The following ABTB3 variants were observed in gnomAD, a reference collection of about 807,000 sequenced individuals.
ABTB3 encodes ankyrin repeat and BTB domain containing 3, also known as ankyrin repeat- and BTB/POZ domain-containing protein 3.
At chr12:107,581,091 G>T in the ABTB3 span, 2 of 1,545,014 alleles carry the variant, frequency 1.3e-6, no homozygotes, top group Non-Finnish European at 1.7e-6. Flanking sequence ...GGGCCAAGCC[G>T]GCAGCCCCTG....
At chr12:107,510,098 G>A in the ABTB3 span, among the ~76,000 whole-genome samples, 26 of 152,160 alleles carry the variant, frequency 1.7e-4, no homozygotes, top group African/African-American at 5.8e-4. Flanking sequence ...GCTGGAAGCC[G>A]GTAAGGTGGG....
the ABTB3 span, among the ~76,000 whole-genome samples, chr12:107,657,034 C>T: frequency 6.7e-6 from 1 of 149,440 alleles, no homozygotes; most frequent in African/African-American, 2.4e-5. Context: ...CAGAGCGAAA[C>T]CCTGTCTCAA....
At chr12:107,472,086 A>G in the ABTB3 span, among the ~76,000 whole-genome samples, 5,405 of 151,332 alleles carry the variant, frequency 0.036, 282 homozygotes, top group African/African-American at 0.13. Flanking sequence ...GACCAAAGAG[A>G]AAACACTGAG....
the ABTB3 span, among the ~76,000 whole-genome samples, chr12:107,364,837 C>G: frequency 1.3e-5 from 2 of 152,166 alleles, no homozygotes; most frequent in Admixed American, 1.3e-4. Context: ...AAGGCTGGCG[C>G]TGCCAAAATT....
At chr12:107,497,010 C>T in the ABTB3 span, among the ~76,000 whole-genome samples, 1 of 152,280 alleles carries the variant, frequency 6.6e-6, no homozygotes, top group Non-Finnish European at 1.5e-5. Context: ...CATCTCTATT[C>T]ATTAATTCAG....
chr12:107,637,011 G>A, the ABTB3 span, among the ~76,000 whole-genome samples: 9 of 152,190 alleles, frequency 5.9e-5, no homozygotes, highest in Non-Finnish European at 1.3e-4. Context: ...GGTGGCTCAC[G>A]CCTGTAATCC....
the ABTB3 span, chr12:107,520,364 C>T: frequency 0.36 from 525,208 of 1,469,012 alleles, 96,482 homozygotes; most frequent in Admixed American, 0.52. Context: ...CCTACATTGG[C>T]TTTCTTTGCA....
chr12:107,645,832 C>T, the ABTB3 span, among the ~76,000 whole-genome samples: 1 of 152,202 alleles, frequency 6.6e-6, no homozygotes, highest in Non-Finnish European at 1.5e-5. Context: ...GGTTTCCTGG[C>T]CACATTAGAC....
At chr12:107,426,455 G>A in the ABTB3 span, among the ~76,000 whole-genome samples, 1 of 152,114 alleles carries the variant, frequency 6.6e-6, no homozygotes, top group Admixed American at 6.5e-5. Context: ...TGGCTGCTGT[G>A]GCAGGGTCAC....
chr12:107,642,052 G>T, the ABTB3 span: 1 of 1,583,532 alleles, frequency 6.3e-7, no homozygotes, highest in Non-Finnish European at 8.7e-7. Flanking sequence ...GGATTTGTGT[G>T]TGAGTCTTTT....
chr12:107,385,919 A>C, the ABTB3 span, among the ~76,000 whole-genome samples: 2 of 152,322 alleles, frequency 1.3e-5, no homozygotes, highest in East Asian at 3.9e-4. Flanking sequence ...GGCCTGGGAA[A>C]GGGAACCCTG....
chr12:107,384,281 G>A, the ABTB3 span, among the ~76,000 whole-genome samples: 1 of 152,316 alleles, frequency 6.6e-6, no homozygotes, highest in African/African-American at 2.4e-5. Flanking sequence ...TAGGAGGGGT[G>A]TGGTTGGGGT....
At chr12:107,320,062 G>A in the ABTB3 span, 26 of 1,500,272 alleles carry the variant, frequency 1.7e-5, no homozygotes, top group African/African-American at 3.7e-4. Context: ...TGATCTGCGG[G>A]AAGAACGCCA....
At chr12:107,503,065 T>G in the ABTB3 span, among the ~76,000 whole-genome samples, 4 of 152,112 alleles carry the variant, frequency 2.6e-5, no homozygotes, top group Non-Finnish European at 5.9e-5. Context: ...TAGGGTCACA[T>G]GGGGAAGCAC....
the ABTB3 span, among the ~76,000 whole-genome samples, chr12:107,633,547 C>T: frequency 2.0e-5 from 3 of 152,312 alleles, no homozygotes; most frequent in Admixed American, 2.0e-4. Context: ...CCACACAGTG[C>T]TTCTCAAGCA....
the ABTB3 span, chr12:107,319,078 GT>G: frequency 1.2e-6 from 2 of 1,611,264 alleles, no homozygotes; most frequent in African/African-American, 2.7e-5. Context: ...CGGCGTCCCC[GT>G]ATGGCGGGAG....
the ABTB3 span, among the ~76,000 whole-genome samples, chr12:107,391,789 C>T: frequency 1.3e-5 from 2 of 152,150 alleles, no homozygotes; most frequent in Admixed American, 6.5e-5. Flanking sequence ...GTTCAGGGCT[C>T]TGCTTCATAG....
chr12:107,582,695 G>T, the ABTB3 span, among the ~76,000 whole-genome samples: 4 of 152,226 alleles, frequency 2.6e-5, no homozygotes, highest in African/African-American at 4.8e-5. Flanking sequence ...CATTGGTGGA[G>T]CAGCTTGTAG....
chr12:107,554,470 A>C, the ABTB3 span, among the ~76,000 whole-genome samples: 7 of 152,190 alleles, frequency 4.6e-5, no homozygotes, highest in African/African-American at 1.7e-4. Context: ...TTATCTGTAA[A>C]ATGGAAGATA....
Sources: allele counts gnomAD v4.1 joint callset (sites outside exome capture counted in the v4.1 genomes callset), GRCh38; gene constraint gnomAD v4.1.1; transcripts MANE v1.5; gene names NCBI Gene and HGNC (gene_info 2026-07-23, HGNC 2026-07-21).